Variants in STK3 observed in about 807,000 individuals in gnomAD.
The protein encoded by STK3 is serine/threonine kinase 3.
In STK3, 41 loss-of-function variants were observed where a neutral mutation model predicts 58.0. The ratio of observed to expected loss-of-function variants is 0.71; its 90% confidence interval spans 0.55 to 0.92. The LOEUF is 0.92. Among genes scored for constraint, STK3 ranks in the 40% least tolerant of loss-of-function variants. STK3 has a pLI of 0.00. For missense variants in STK3, 479 were observed against 602.7 expected (o/e 0.79, Z 2.15); for synonymous variants, 170 against 191.0 (o/e 0.89, Z 0.91).
intron 1 of STK3, among the ~76,000 whole-genome samples, chr8:98,926,450 G>A (rs922517916): frequency 1.3e-5 from 2 of 152,090 alleles, no homozygotes; most frequent in African/African-American, 4.8e-5. Flanking sequence ...TGCCACTTAT[G>A]GACCCTCAAG....
intron 6 of STK3, among the ~76,000 whole-genome samples, chr8:98,644,690 T>C (rs532318462): frequency 6.6e-6 from 1 of 152,260 alleles, no homozygotes; most frequent in East Asian, 1.9e-4. Context: ...TCTCCTAAGG[T>C]CAATGAAGGC....
At chr8:98,429,478 C>A in intron 3 of STK3, 1 of 1,172,356 alleles carries the variant, frequency 8.5e-7, no homozygotes, top group Non-Finnish European at 1.2e-6. Flanking sequence ...TGGCACAGCC[C>A]AGGCACCTTA....
chr8:98,653,187 A>G lies in STK3; in HGVS notation c.684+53280T>C, dbSNP rs540902667. 4.1e-3 allele frequency among the ~76,000 whole-genome samples: 627 copies of G among 152,278 alleles called. 2 individuals are homozygous for G. The highest frequency in any genetic ancestry group is 6.5e-3 in the Non-Finnish European group (440 of 68,008). On this transcript the variant is annotated intron_variant, in intron 6 of 10. Transcript: ENST00000419617. ...CTCAGGATTAAGACACTCACTCAAAACCGCTCAACTACATGGAAACTGAAC... is the reference window on the plus strand; with the variant it reads ...CTCAGGATTAAGACACTCACTCAAAGCCGCTCAACTACATGGAAACTGAAC...
chr8:98,693,401 G>A (rs1474301790), intron 6 of STK3, among the ~76,000 whole-genome samples: 1 of 151,892 alleles, frequency 6.6e-6, no homozygotes, highest in Non-Finnish European at 1.5e-5. Context: ...AAAGAAGAAA[G>A]AAGATGATGA....
At chr8:98,587,417 A>T (rs1163300496) in intron 7 of STK3, among the ~76,000 whole-genome samples, 5 of 152,024 alleles carry the variant, frequency 3.3e-5, no homozygotes, top group African/African-American at 9.7e-5. Flanking sequence ...TTTGAGTGAG[A>T]TTCTTAATCC....
chr8:98,502,831 T>C (rs892152236), intron 10 of STK3, among the ~76,000 whole-genome samples: 1 of 152,226 alleles, frequency 6.6e-6, no homozygotes, highest in African/African-American at 2.4e-5. Context: ...AATTTTCGCA[T>C]TGATGTTCAT....
At chr8:98,658,513 C>T (rs1821720626) in intron 6 of STK3, among the ~76,000 whole-genome samples, 1 of 152,032 alleles carries the variant, frequency 6.6e-6, no homozygotes, top group Non-Finnish European at 1.5e-5. Context: ...ACCTTACTCC[C>T]TTTCAGCCCT....
intron 3 of STK3, among the ~76,000 whole-genome samples, chr8:98,760,944 A>C (rs1830578709): frequency 2.0e-5 from 3 of 152,088 alleles, no homozygotes; most frequent in Admixed American, 2.0e-4. Context: ...TTACTTAAAC[A>C]CTATGCATGA....
At chr8:98,598,076 C>A in intron 6 of STK3, 1 of 985,386 alleles carries the variant, frequency 1.0e-6, no homozygotes. Context: ...AAAGGACTTA[C>A]ATAAGCCCCT....
intron 6 of STK3, among the ~76,000 whole-genome samples, chr8:98,636,993 G>C (rs1222695824): frequency 6.6e-6 from 1 of 150,970 alleles, no homozygotes; most frequent in African/African-American, 2.4e-5. Flanking sequence ...CTTCCATTTT[G>C]GACAATGCTA....
At chr8:98,493,067 A>AT (rs549015356) in intron 10 of STK3, among the ~76,000 whole-genome samples, 111 of 139,316 alleles carry the variant, frequency 8.0e-4, no homozygotes, top group African/African-American at 6.3e-4. Context: ...CCAACTCTAC[A>AT]TTTTTTTTTT....
At chr8:98,871,915 TG>T (rs748859992) in intron 3 of STK3, among the ~76,000 whole-genome samples, 2 of 152,230 alleles carry the variant, frequency 1.3e-5, no homozygotes, top group Non-Finnish European at 2.9e-5. Context: ...ATCCCTGTCT[TG>T]TGCCAGTTTT....
intron 9 of STK3, among the ~76,000 whole-genome samples, 170 bp downstream of exon 9, chr8:98,547,799 T>C (rs1345136584): frequency 6.6e-6 from 1 of 152,154 alleles, no homozygotes; most frequent in East Asian, 1.9e-4. Flanking sequence ...TATATTAAAA[T>C]ACAATTTTAA....
chr8:98,387,509 G>C (rs1306575511), intron 1 of STK3, among the ~76,000 whole-genome samples: 1 of 152,212 alleles, frequency 6.6e-6, no homozygotes, highest in East Asian at 1.9e-4. Flanking sequence ...AGCACTTCGG[G>C]AGACCAAGGC....
In STK3 at chr8:98,702,432, A is replaced by C. The variant is rs1465953063; in HGVS notation, c.684+4035T>G. ...TATCCCTCAGACTATGACACCCTAA[A>C]TATATGTCCTACAAAAACCTTAATC... On this transcript the variant is annotated intron_variant, in intron 6 of 10. Transcript: ENST00000419617. Among the ~76,000 whole-genome samples, 4 of 152,300 alleles carry C rather than the reference A, an allele frequency of 2.6e-5. No individual in the cohort carries two copies. The East Asian group carries it at 7.7e-4, about 29-fold the overall frequency.
At chr8:98,773,449 T>C (rs1197757272) in intron 2 of STK3, among the ~76,000 whole-genome samples, 1 of 152,104 alleles carries the variant, frequency 6.6e-6, no homozygotes, top group African/African-American at 2.4e-5. Flanking sequence ...TGTTTATCTA[T>C]AATATTTTTA....
chr8:98,550,150 T>C (rs1328108569), intron 8 of STK3, among the ~76,000 whole-genome samples: 1 of 152,156 alleles, frequency 6.6e-6, no homozygotes, highest in Non-Finnish European at 1.5e-5. Flanking sequence ...TCTGAGAACA[T>C]CAATGTTGAG....
downstream of STK3, among the ~76,000 whole-genome samples, chr8:98,452,707 A>G (rs1302125547): frequency 6.6e-6 from 1 of 151,870 alleles, no homozygotes; most frequent in Admixed American, 6.6e-5. Context: ...TAACTAGAAA[A>G]CTGTCTTTCC....
chr8:98,786,677 T>C (rs1832477996), intron 1 of STK3, among the ~76,000 whole-genome samples: 1 of 152,152 alleles, frequency 6.6e-6, no homozygotes, highest in Non-Finnish European at 1.5e-5. Flanking sequence ...TTAGCATTCA[T>C]GATACAGAAA....
Sources: allele counts gnomAD v4.1 joint callset (sites outside exome capture counted in the v4.1 genomes callset), GRCh38; gene constraint gnomAD v4.1.1; transcripts MANE v1.5; gene names NCBI Gene and HGNC (gene_info 2026-07-23, HGNC 2026-07-21).